The following DGKI variants were observed in gnomAD, a reference collection of about 807,000 sequenced individuals.
DGKI encodes DAG kinase iota.
Under a neutral mutation model 147.5 loss-of-function variants are expected in DGKI, and 55 were observed. That is an observed-to-expected ratio of 0.37 (90% confidence interval 0.30 to 0.47). The LOEUF (loss-of-function observed/expected upper bound fraction) is 0.47, where lower values mean the gene tolerates loss of function less well. Among genes scored for constraint, DGKI ranks in the 20% least tolerant of loss-of-function variants. The pLI, the probability that DGKI is intolerant of heterozygous loss-of-function variation, is 1.00. For synonymous variants in DGKI, 469 were observed against 477.1 expected, an observed-to-expected ratio of 0.98 and a Z score of 0.22; for missense variants, 1,007 against 1,323.8, an observed-to-expected ratio of 0.76 and a Z score of 3.71.
At chr7:137,643,332 TAAG>T (rs529641504) in intron 6 of DGKI, among the ~76,000 whole-genome samples, 104 of 126,974 alleles carry the variant, frequency 8.2e-4, no homozygotes, top group African/African-American at 3.0e-3. Flanking sequence ...TGAATATGAA[TAAG>T]AAGGTACAAC....
At chr7:137,404,380 A>G (rs2128897024) in intron 30 of DGKI, among the ~76,000 whole-genome samples, 2 of 152,368 alleles carry the variant, frequency 1.3e-5, no homozygotes, top group South Asian at 2.1e-4. Context: ...AATGAAATTG[A>G]CAATGTCTAT....
At chr7:137,636,627 C>A (rs1224427891) in intron 6 of DGKI, among the ~76,000 whole-genome samples, 1 of 152,160 alleles carries the variant, frequency 6.6e-6, no homozygotes, top group Non-Finnish European at 1.5e-5. Flanking sequence ...TTGCCCTGAG[C>A]CTAAAAGAGT....
chr7:137,391,478 T>C (rs919831069), intron 32 of DGKI, 142 bp from the exon 33 acceptor site: 3 of 603,726 alleles, frequency 5.0e-6, no homozygotes, highest in Non-Finnish European at 8.7e-6. Context: ...TAAGGATCCT[T>C]TCACATTTGG....
chr7:137,834,699 C>T (rs1375581541), intron 1 of DGKI, among the ~76,000 whole-genome samples: 1 of 152,218 alleles, frequency 6.6e-6, no homozygotes, highest in Non-Finnish European at 1.5e-5. Flanking sequence ...TTAACAACTC[C>T]ATGAAGCAAT....
chr7:137,553,117 T>C (rs543574600), intron 19 of DGKI, among the ~76,000 whole-genome samples: 2 of 152,356 alleles, frequency 1.3e-5, no homozygotes, highest in African/African-American at 2.4e-5. Context: ...CTTTTTGCTC[T>C]TATATGTTTC....
intron 21 of DGKI, among the ~76,000 whole-genome samples, chr7:137,519,717 C>A (rs1167362559): frequency 6.6e-6 from 1 of 151,990 alleles, no homozygotes; most frequent in Non-Finnish European, 1.5e-5. Flanking sequence ...CAAGTTGGAA[C>A]CAGGCAAAAG....
chr7:137,582,068 T>C, intron 14 of DGKI, 140 bp from the exon 15 acceptor site: 1 of 537,602 alleles, frequency 1.9e-6, no homozygotes, highest in Non-Finnish European at 3.3e-6. Flanking sequence ...AGGGTGCTTA[T>C]GTAGAAAGAA....
rs188887768 is a variant in DGKI at position 137,478,298 on chromosome 7, G to A, written c.2373+7076C>T. On this transcript the variant is annotated intron_variant, in intron 23 of 32. Transcript: ENST00000614521. ...ATCAGACAGGAATTCACAATTTACC[G>A]CGATAGTCCATAAACTTTTTATGCT... Among the ~76,000 whole-genome samples, 16 of 152,234 alleles carry A rather than the reference G, an allele frequency of 1.1e-4. 1 individual carries two copies. Among genetic ancestry groups the A allele is most frequent in the South Asian group, 1.0e-3 (5 of 4,820 alleles).
rs1398631721 is a variant in DGKI at position 137,381,314 on chromosome 7, T to A, written c.*9906A>T. On this transcript the variant is annotated 3_prime_UTR_variant, in exon 33 of 33. Coordinates refer to ENST00000614521, the MANE Select transcript of DGKI (RefSeq NM_001321708.2). ...CCCCCCCCCCCCCACCCACCCTCCC[T>A]CCACTTCGTATTATCTGAATCCTCC... 7.4e-5 allele frequency: 1 copy of A among 13,558 alleles called. No homozygotes were observed. 0.8% of individuals were successfully genotyped at this position (13,558 alleles called of 1,614,324 possible). A position where few individuals can be genotyped will look rare whatever the true frequency, so the allele number is the denominator to read the frequency against.
At chr7:137,488,358 T>C (rs1246800740) in intron 21 of DGKI, among the ~76,000 whole-genome samples, 1 of 152,130 alleles carries the variant, frequency 6.6e-6, no homozygotes, top group Admixed American at 6.6e-5. Flanking sequence ...GTGGTAACAG[T>C]AGGACCTCAG....
intron 21 of DGKI, among the ~76,000 whole-genome samples, chr7:137,492,372 G>A (rs1815796467): frequency 6.6e-6 from 1 of 152,166 alleles, no homozygotes; most frequent in African/African-American, 2.4e-5. Flanking sequence ...ACTCTAAGCA[G>A]ATCTTCAGAA....
intron 21 of DGKI, among the ~76,000 whole-genome samples, chr7:137,511,943 T>G (rs1003376241): frequency 1.3e-5 from 2 of 152,168 alleles, no homozygotes; most frequent in Admixed American, 1.3e-4. Flanking sequence ...GGTCCAAAGG[T>G]CCCTGTGGGA....
Position 137,757,061 on chromosome 7 carries a change from T to C in DGKI, c.402-67059A>G, listed in dbSNP as rs545212034. 1.2e-4 allele frequency among the ~76,000 whole-genome samples: 18 copies of C among 150,454 alleles called. No individual in the cohort carries two copies. The South Asian group carries it at 3.4e-3, about 28-fold the overall frequency. On this transcript the variant is annotated intron_variant, in intron 1 of 32. Coordinates refer to ENST00000614521, the MANE Select transcript of DGKI (RefSeq NM_001321708.2). ...ATTTCTCAGTAAACATTCTCCAGGA[T>C]TTTTTTTTTAATCCTCTCCAAAATA...
intron 17 of DGKI, among the ~76,000 whole-genome samples, chr7:137,575,454 A>G (rs187445461): frequency 1.1e-4 from 17 of 152,316 alleles, no homozygotes; most frequent in Non-Finnish European, 1.3e-4. Flanking sequence ...TTTGATATCA[A>G]TCCGGTGACT....
At chr7:137,460,046 T>C (rs958010822) in intron 27 of DGKI, among the ~76,000 whole-genome samples, 11 of 152,212 alleles carry the variant, frequency 7.2e-5, no homozygotes. Flanking sequence ...AGTTTCTCTT[T>C]TGATTTCTGT....
At chr7:137,657,984 G>C (rs1822285351) in intron 3 of DGKI, among the ~76,000 whole-genome samples, 2 of 152,170 alleles carry the variant, frequency 1.3e-5, no homozygotes, top group Admixed American at 6.5e-5. Flanking sequence ...TCCACTGACT[G>C]AGATTCCTTT....
intron 1 of DGKI, among the ~76,000 whole-genome samples, chr7:137,839,735 T>A (rs984286678): frequency 6.6e-6 from 1 of 152,228 alleles, no homozygotes; most frequent in Non-Finnish European, 1.5e-5. Flanking sequence ...CTGTTTCGAA[T>A]GTTGTTCCCA....
chr7:137,608,915 G>A (rs376096457), intron 10 of DGKI, 51 bp downstream of exon 10: 23 of 1,419,722 alleles, frequency 1.6e-5, no homozygotes, highest in East Asian at 4.6e-5. Context: ...GAGTTGTGTC[G>A]TCAAGAAATT....
intron 6 of DGKI, among the ~76,000 whole-genome samples, chr7:137,629,309 T>C (rs1358495640): frequency 1.3e-5 from 2 of 152,244 alleles, no homozygotes; most frequent in Non-Finnish European, 2.9e-5. Context: ...GTTAAGTTTC[T>C]AGCAAAATAA....
Sources: gnomAD v4.1 joint callset for allele counts (sites outside exome capture counted in the v4.1 genomes callset) on GRCh38, gnomAD v4.1.1 for gene constraint, MANE v1.5 for transcripts, NCBI Gene and HGNC (gene_info 2026-07-23, HGNC 2026-07-21) for gene names.